The following A1CF variants were observed in gnomAD, a reference collection of about 807,000 sequenced individuals.
A1CF encodes APOBEC1 complementation factor, also known as APOBEC-1 stimulating protein.
A1CF carries 48 observed loss-of-function variants against 68.9 expected under a neutral mutation model. That is an observed-to-expected ratio of 0.70 (90% CI 0.55 to 0.89). A1CF has a LOEUF of 0.89. Ranked by LOEUF, A1CF falls within the 40% of genes least tolerant of loss-of-function variation. The pLI, the probability that A1CF is intolerant of heterozygous loss-of-function variation, is 0.00. For synonymous variants in A1CF, 272 were observed against 260.4 expected (o/e 1.04, Z -0.43); for missense variants, 653 against 718.9 (o/e 0.91, Z 1.05).
chr10:50,828,907 A>G (rs12262858), intron 6 of A1CF, among the ~76,000 whole-genome samples: 1,749 of 152,282 alleles, frequency 0.011, 27 homozygotes, highest in African/African-American at 0.04. Flanking sequence ...TAAATTGGGA[A>G]TCTGGAGACA....
rs184360320 is a variant in A1CF at position 50,817,747 on chromosome 10, C to T, written c.868-1468G>A. ...ATGTTTTGCATGGAATGATTCTTTGCGGCAAATTCAGATATCTTGTAACAA... is the reference window on the plus strand; with the variant it reads ...ATGTTTTGCATGGAATGATTCTTTGTGGCAAATTCAGATATCTTGTAACAA... On this transcript the variant is annotated intron_variant, in intron 8 of 12. Transcript: ENST00000373997. Among the ~76,000 whole-genome samples the T allele has an allele frequency of 8.5e-5, 13 of 152,220 alleles. No individual in the cohort carries two copies. In the East Asian group the frequency reaches 1.2e-3, roughly 14 times the overall value.
intron 6 of A1CF, among the ~76,000 whole-genome samples, chr10:50,829,909 T>A (rs544073303): frequency 1.3e-5 from 2 of 152,352 alleles, no homozygotes; most frequent in South Asian, 4.1e-4. Flanking sequence ...CCTTCCCATC[T>A]TTTTAAAGGT....
intron 4 of A1CF, 148 bp from the exon 5 acceptor site, chr10:50,842,140 A>C (rs115233081): frequency 6.1e-6 from 4 of 654,160 alleles, no homozygotes; most frequent in Non-Finnish European, 1.0e-5. Flanking sequence ...TTTGCATCCC[A>C]TGTGGAATGG....
In A1CF at chr10:50,836,204, C is replaced by G. The variant is rs1839483010; in HGVS notation, c.474G>C (p.Lys158Asn). 6.2e-7 allele frequency: 1 copy of G among 1,613,904 alleles called. No homozygotes were observed. The highest frequency in any genetic ancestry group is 1.3e-5 in the African/African-American group (1 of 74,920). ...TGACATCGACAACACCTTCAGTAACCTTTTTCATCTCCGATAAGATTTCTT... is the reference window on the plus strand; with the variant it reads ...TGACATCGACAACACCTTCAGTAACGTTTTTCATCTCCGATAAGATTTCTT... ...KREEILSEMK[K>N]VTEGVVDVIV... The change falls in exon 6 of 13, where the codon AAG becomes AAC. Residue 158 changes from lysine (K) to asparagine (N), a missense_variant. Lys to Asn is a moderately conservative substitution (Grantham distance 94, BLOSUM62 0). Transcript: ENST00000373997.
chr10:50,806,690 A>G lies in A1CF; in HGVS notation c.*39T>C. On this transcript the variant is annotated 3_prime_UTR_variant, in exon 13 of 13. Coordinates refer to ENST00000373997, the MANE Select transcript of A1CF (RefSeq NM_014576.4). ...TTTATTTCTTTTTTTTTTTTAATAG[A>G]GTTTTGTGTGTCTTATTCTTAAATT... 6.7e-7 allele frequency: 1 copy of G among 1,499,656 alleles called. No individual in the cohort carries two copies. Among genetic ancestry groups the G allele is most frequent in the Non-Finnish European group, 8.9e-7 (1 of 1,120,938 alleles). The allele number at this position is 1,499,656 out of a possible 1,614,324, so 92.9% of individuals were successfully genotyped here. A position where few individuals can be genotyped will look rare whatever the true frequency, so the allele number is the denominator to read the frequency against.
At chr10:50,808,833 TG>T (rs1395863989) in intron 12 of A1CF, among the ~76,000 whole-genome samples, 3 of 152,124 alleles carry the variant, frequency 2.0e-5, no homozygotes, top group Admixed American at 6.6e-5. Flanking sequence ...CCAGGTGCAG[TG>T]GGTGTGAGGA....
chr10:50,860,931 G>T (rs1840716463), intron 2 of A1CF, among the ~76,000 whole-genome samples: 1 of 152,150 alleles, frequency 6.6e-6, no homozygotes, highest in South Asian at 2.1e-4. Context: ...AAGGTTCTTT[G>T]CTGGGTTTTC....
chr10:50,824,549 CACTCCAAGAGT>C (rs1838829600), intron 7 of A1CF: 1 of 152,188 alleles, frequency 6.6e-6, no homozygotes, highest in Non-Finnish European at 1.5e-5. Context: ...GTCTTCTCTG[CACTCCAAGAGT>C]AGTCTGTCAA....
chr10:50,853,486 T>G (rs189369799), intron 3 of A1CF, among the ~76,000 whole-genome samples: 252 of 152,266 alleles, frequency 1.7e-3, no homozygotes, highest in South Asian at 4.6e-3. Context: ...GCTTGTTTCT[T>G]TATCTGTTAA....
intron 2 of A1CF, among the ~76,000 whole-genome samples, chr10:50,863,810 A>G (rs1035213814): frequency 5.3e-5 from 8 of 152,202 alleles, no homozygotes; most frequent in African/African-American, 1.7e-4. Flanking sequence ...ATTTGATAGT[A>G]TAGTAGGGAA....
In A1CF at chr10:50,875,260, T is replaced by C. The variant is rs373951853; in HGVS notation, c.-94+10321A>G. Among the ~76,000 whole-genome samples, 57 of 151,570 alleles carry C rather than the reference T, an allele frequency of 3.8e-4. 3 individuals are homozygous for C. In the South Asian group the frequency reaches 0.011, roughly 29 times the overall value. On this transcript the variant is annotated intron_variant, in intron 1 of 12. Transcript: ENST00000373997. ...GAGTAAATGTTTTCCTAGTTGTATTTATAAATAAAATCCTTGAAGTACCTT... is the reference window on the plus strand; with the variant it reads ...GAGTAAATGTTTTCCTAGTTGTATTCATAAATAAAATCCTTGAAGTACCTT...
At chr10:50,865,725 T>A (rs910328577) in intron 1 of A1CF, among the ~76,000 whole-genome samples, 1 of 152,216 alleles carries the variant, frequency 6.6e-6, no homozygotes, top group African/African-American at 2.4e-5. Flanking sequence ...GCCTTACTGA[T>A]CCTTCTAGAC....
At chr10:50,827,278 C>CG (rs1404542778) in intron 7 of A1CF, among the ~76,000 whole-genome samples, 1 of 151,928 alleles carries the variant, frequency 6.6e-6, no homozygotes, top group Non-Finnish European at 1.5e-5. Context: ...CTGCACCAAG[C>CG]GGACCTAATA....
chr10:50,844,481 A>C (rs1484727520), intron 3 of A1CF, among the ~76,000 whole-genome samples: 1 of 152,152 alleles, frequency 6.6e-6, no homozygotes, highest in African/African-American at 2.4e-5. Flanking sequence ...TCAAACATTT[A>C]TCATTTCTTT....
At chr10:50,819,895 G>T (rs1004945063) in intron 8 of A1CF, among the ~76,000 whole-genome samples, 12 of 152,034 alleles carry the variant, frequency 7.9e-5, no homozygotes, top group Non-Finnish European at 1.6e-4. Context: ...ATATTTACTT[G>T]CCTATACTTT....
rs1370911501 is a variant in A1CF at position 50,800,555 on chromosome 10, G to A, written c.*6174C>T. The A allele has an allele frequency of 6.6e-6, 1 of 152,048 alleles. No individual in the cohort carries two copies. The highest frequency in any genetic ancestry group is 1.5e-5 in the Non-Finnish European group (1 of 68,004). The allele number at this position is 152,048 out of a possible 1,614,324, so 9.4% of individuals were successfully genotyped here. A position where few individuals can be genotyped will look rare whatever the true frequency, so the allele number is the denominator to read the frequency against. ...TGTGCCCCAATTAAAGAGAGAAGTA[G>A]GAAATATATGTATTTGTATTCACAG... On this transcript the variant is annotated 3_prime_UTR_variant, in exon 13 of 13. Transcript: ENST00000373997.
intron 1 of A1CF, among the ~76,000 whole-genome samples, chr10:50,875,468 A>C (rs1265012093): frequency 6.6e-6 from 1 of 152,214 alleles, no homozygotes; most frequent in Non-Finnish European, 1.5e-5. Flanking sequence ...GAGCAAGGAA[A>C]TCTCTTAGGA....
chr10:50,871,587 A>G (rs1352165737), intron 1 of A1CF, among the ~76,000 whole-genome samples: 7 of 152,048 alleles, frequency 4.6e-5, no homozygotes, highest in Non-Finnish European at 1.0e-4. Flanking sequence ...CCTAATTAAC[A>G]GTTTAGATTA....
chr10:50,859,921 G>C lies in A1CF; in HGVS notation c.20C>G (p.Ser7Cys). MESNHK[S>C]GDGLSGTQKE... ...CTGAGTGCCGCTCAATCCATCCCCG[G>C]ATTTGTGATTTGATTCCATTGAGAG... The change falls in exon 3 of 13, where the codon TCC becomes TGC. Residue 7 changes from serine (S) to cysteine (C), a missense_variant. Physicochemically the swap from Ser to Cys is moderately radical, Grantham distance 112. Coordinates refer to ENST00000373997, the MANE Select transcript of A1CF (RefSeq NM_014576.4). 1 of 1,613,856 alleles carries C rather than the reference G, an allele frequency of 6.2e-7. No individual in the cohort carries two copies. Among genetic ancestry groups the C allele is most frequent in the Non-Finnish European group, 8.5e-7 (1 of 1,179,904 alleles).
Sources: allele counts gnomAD v4.1 joint callset (sites outside exome capture counted in the v4.1 genomes callset), GRCh38; gene constraint gnomAD v4.1.1; transcripts MANE v1.5; gene names NCBI Gene and HGNC (gene_info 2026-07-23, HGNC 2026-07-21).